Variants in AMTN observed in about 807,000 individuals in gnomAD.
The protein encoded by AMTN is amelotin.
Under a neutral mutation model 27.4 loss-of-function variants are expected in AMTN, and 29 were observed. That is an observed-to-expected ratio of 1.06 (90% CI 0.79 to 1.44). The LOEUF (loss-of-function observed/expected upper bound fraction) is 1.44. AMTN is among the 40% of genes most tolerant of loss of function. The pLI, the probability that AMTN is intolerant of heterozygous loss-of-function variation, is 0.00. For synonymous variants in AMTN, 86 were observed against 95.7 expected, an observed-to-expected ratio of 0.90 and a Z score of 0.59; for missense variants, 247 against 248.8, an observed-to-expected ratio of 0.99 and a Z score of 0.05.
intron 2 of AMTN, among the ~76,000 whole-genome samples, chr4:70,519,218 G>A (rs1432304177): frequency 6.6e-6 from 1 of 152,034 alleles, no homozygotes; most frequent in Non-Finnish European, 1.5e-5. Context: ...TTTCTACTTG[G>A]AAATGCTAAA....
At chr4:70,525,110 A>C in intron 5 of AMTN, 149 bp downstream of exon 5, 1 of 681,348 alleles carries the variant, frequency 1.5e-6, no homozygotes, top group Non-Finnish European at 2.5e-6. Flanking sequence ...CCAGTATTTG[A>C]CAATCTGGTT....
Position 70,532,719 on chromosome 4 carries a change from T to C in AMTN, c.*254T>C. The C allele has an allele frequency of 5.3e-6, 2 of 375,462 alleles. No individual in the cohort carries two copies. The highest frequency in any genetic ancestry group is 9.5e-6 in the Non-Finnish European group (2 of 210,660). 23.3% of individuals were successfully genotyped at this position (375,462 alleles called of 1,614,324 possible). A position where few individuals can be genotyped will look rare whatever the true frequency, so the allele number is the denominator to read the frequency against. On this transcript the variant is annotated 3_prime_UTR_variant, in exon 9 of 9. Transcript: ENST00000339336. ...CATTATGCTGCCTGGATGATATGCATATTAAAACATATTTGGAAAACTGAC... is the reference window on the plus strand; with the variant it reads ...CATTATGCTGCCTGGATGATATGCACATTAAAACATATTTGGAAAACTGAC...
chr4:70,522,208 TA>T (rs752604916), intron 2 of AMTN, among the ~76,000 whole-genome samples: 4 of 151,150 alleles, frequency 2.6e-5, no homozygotes, highest in African/African-American at 4.9e-5. Flanking sequence ...TAGAAAAAAA[TA>T]ATACAACTAG....
intron 8 of AMTN, 24 bp from the exon 9 acceptor site, chr4:70,532,431 A>G: frequency 1.3e-6 from 2 of 1,580,054 alleles, no homozygotes; most frequent in Non-Finnish European, 1.7e-6. Context: ...ACCTACATTT[A>G]AAAGGTGTTT....
At chr4:70,525,070 T>C in intron 5 of AMTN, 109 bp downstream of exon 5, 1 of 943,492 alleles carries the variant, frequency 1.1e-6, no homozygotes, top group Non-Finnish European at 1.6e-6. Flanking sequence ...GCCCAGATTA[T>C]TAACTGACGA....
Position 70,528,759 on chromosome 4 carries a change from G to C in AMTN, c.330+1G>C. The C allele has an allele frequency of 6.3e-7, 1 of 1,592,006 alleles. No individual in the cohort carries two copies. Among genetic ancestry groups the C allele is most frequent in the Non-Finnish European group, 8.5e-7 (1 of 1,172,530 alleles). On this transcript the variant is annotated splice_donor_variant, in intron 6 of 8. Transcript: ENST00000339336. LOFTEE classifies it high-confidence loss of function. ...TTTTGTCACACAACTTGGAGCCCAG[G>C]TAAAAATTATGCTTAATATTGTCTT...
Position 70,524,950 on chromosome 4 carries a change from C to T in AMTN, c.283C>T (p.Leu95=). 6.2e-7 allele frequency: 1 copy of T among 1,613,944 alleles called. No individual in the cohort carries two copies. The highest frequency in any genetic ancestry group is 8.5e-7 in the Non-Finnish European group (1 of 1,179,854). The change falls in exon 5 of 9, where the codon CTG becomes TTG. Residue 95 remains leucine (L), a synonymous_variant. Transcript: ENST00000339336. The part of the protein sequence containing the change: ...TLGGLNVQQQ[L]HPHVLPIFVT... ...GGGAGGGTTGAATGTACAACAGCAA[C>T]TGCACCCACATGTAAGTTGAACAGC...
intron 2 of AMTN, 151 bp downstream of exon 2, chr4:70,518,982 G>T: frequency 4.2e-6 from 3 of 710,534 alleles, no homozygotes; most frequent in South Asian, 3.3e-5. Context: ...GACAGAAAAT[G>T]ACAAGCTAAT....
At chr4:70,528,988 T>C (rs1178454258) in intron 6 of AMTN, among the ~76,000 whole-genome samples, 196 bp from the exon 7 acceptor site, 1 of 152,180 alleles carries the variant, frequency 6.6e-6, no homozygotes, top group Non-Finnish European at 1.5e-5. Flanking sequence ...ACTCAAAAAA[T>C]GAATGTCAGC....
rs752145690 is a variant in AMTN, at chr4:70,522,769, T to C, written c.69T>C (p.Ala23=). The C allele has an allele frequency of 6.2e-7, 1 of 1,614,070 alleles. No homozygotes were observed. The highest frequency in any genetic ancestry group is 8.5e-7 in the Non-Finnish European group (1 of 1,179,910). ...STRSLPQLKP[A]LGLPPTKLAP... is the part of the protein sequence containing the mutation. ...TTTCACAAAAGCAGCTCAAACCTGC[T>C]TTGGGACTCCCTCCCACAAAACTGG... Residue 23 remains alanine, a synonymous_variant, in exon 3 of 9, where the codon GCT becomes GCC. Coordinates refer to ENST00000339336, the MANE Select transcript of AMTN (RefSeq NM_212557.4).
At chr4:70,531,366 A>G in intron 8 of AMTN, 66 bp downstream of exon 8, 3 of 1,589,140 alleles carry the variant, frequency 1.9e-6, no homozygotes, top group Non-Finnish European at 2.6e-6. Flanking sequence ...GGAAAAGAGG[A>G]GTTCTTTGTC....
Position 70,532,561 on chromosome 4 carries a change from G to A in AMTN, c.*96G>A, listed in dbSNP as rs928687334. ...ATTATGGAATAGATTGAGACACATT[G>A]GATAGTCTTAGAAGAAATTAATTCT... On this transcript the variant is annotated 3_prime_UTR_variant, in exon 9 of 9. Transcript: ENST00000339336. 4 of 1,118,038 alleles carry A rather than the reference G, an allele frequency of 3.6e-6. No individual in the cohort carries two copies. The highest frequency in any genetic ancestry group is 3.2e-5 in the African/African-American group (2 of 63,364). 69.3% of individuals were successfully genotyped at this position (1,118,038 alleles called of 1,614,324 possible).
At chr4:70,523,005 A>T (rs550241813) in intron 3 of AMTN, among the ~76,000 whole-genome samples, 167 bp downstream of exon 3, 1 of 152,240 alleles carries the variant, frequency 6.6e-6, no homozygotes, top group Non-Finnish European at 1.5e-5. Flanking sequence ...GAGTGGGGAA[A>T]AGAACCGATA....
At chr4:70,526,643 T>C (rs762381460) in intron 5 of AMTN, among the ~76,000 whole-genome samples, 2 of 152,220 alleles carry the variant, frequency 1.3e-5, no homozygotes, top group Non-Finnish European at 2.9e-5. Context: ...ACATACTGAT[T>C]GCCCAGCTTC....
At chr4:70,518,919 A>T (rs113571137) in intron 2 of AMTN, 88 bp downstream of exon 2, 282 of 1,093,054 alleles carry the variant, frequency 2.6e-4, no homozygotes, top group African/African-American at 2.5e-3. Context: ...CTCCATCAAA[A>T]CTGCTCTGTT....
At chr4:70,525,884 A>AG (rs1736091268) in intron 5 of AMTN, among the ~76,000 whole-genome samples, 1 of 152,044 alleles carries the variant, frequency 6.6e-6, no homozygotes, top group African/African-American at 2.4e-5. Context: ...TGGGTGATGA[A>AG]GGGGGATTCT....
chr4:70,524,016 G>C, intron 4 of AMTN, 83 bp downstream of exon 4: 2 of 1,129,540 alleles, frequency 1.8e-6, no homozygotes, highest in Non-Finnish European at 2.6e-6. Flanking sequence ...GCATGTATAT[G>C]GGTGCGTATA....
chr4:70,530,888 T>C, intron 7 of AMTN, 151 bp from the exon 8 acceptor site: 1 of 1,007,830 alleles, frequency 9.9e-7, no homozygotes, highest in Non-Finnish European at 1.4e-6. Context: ...GGACCAAGGG[T>C]GTATTTCCCC....
chr4:70,528,201 C>G (rs1736138827), intron 5 of AMTN, among the ~76,000 whole-genome samples: 1 of 145,020 alleles, frequency 6.9e-6, no homozygotes, highest in African/African-American at 2.6e-5. Context: ...TCTAAATGTG[C>G]TATCTTGAAC....
Sources: allele counts gnomAD v4.1 joint callset (sites outside exome capture counted in the v4.1 genomes callset), GRCh38; gene constraint gnomAD v4.1.1; transcripts MANE v1.5; gene names NCBI Gene and HGNC (gene_info 2026-07-23, HGNC 2026-07-21).